The following CHLSN variants were observed in gnomAD, a reference collection of about 807,000 sequenced individuals.
CHLSN encodes cholesin, also known as protein cholesin.
the CHLSN span, among the ~76,000 whole-genome samples, chr7:993,555 G>A: frequency 3.3e-5 from 5 of 152,090 alleles, no homozygotes; most frequent in East Asian, 1.9e-4. Context: ...TGGGAGGATC[G>A]CTTGAGCCCA....
At chr7:1,092,607 C>A in the CHLSN span, 2 of 1,612,026 alleles carry the variant, frequency 1.2e-6, no homozygotes, top group Non-Finnish European at 1.7e-6. Flanking sequence ...GGGCCGCTCC[C>A]TGCAAGCAGT....
the CHLSN span, among the ~76,000 whole-genome samples, chr7:1,101,575 C>T: frequency 6.6e-6 from 1 of 152,262 alleles, no homozygotes; most frequent in Admixed American, 6.5e-5. Context: ...TCTGCACCTT[C>T]AGCCTCCTGT....
At chr7:1,052,371 C>T in the CHLSN span, among the ~76,000 whole-genome samples, 2 of 152,178 alleles carry the variant, frequency 1.3e-5, no homozygotes, top group African/African-American at 4.8e-5. The surrounding 1 kb of genome is among the most constrained non-coding windows in gnomAD (Gnocchi z 4.2). Flanking sequence ...TGTGCTGGCA[C>T]CGACGTGGGC....
At chr7:1,092,561 T>A in the CHLSN span, 4 of 1,610,192 alleles carry the variant, frequency 2.5e-6, no homozygotes, top group Non-Finnish European at 3.4e-6. Context: ...GAGAACGTCT[T>A]CATCAGCGTG....
the CHLSN span, among the ~76,000 whole-genome samples, chr7:983,749 C>G: frequency 6.6e-6 from 1 of 152,244 alleles, no homozygotes; most frequent in East Asian, 1.9e-4. Flanking sequence ...CTCAGCCCCC[C>G]TCGGCCCTCA....
chr7:1,095,870 A>G, the CHLSN span, among the ~76,000 whole-genome samples: 1 of 152,378 alleles, frequency 6.6e-6, no homozygotes, highest in African/African-American at 2.4e-5. Context: ...GCTGGGGGCC[A>G]TGGGCATCGA....
chr7:1,133,403 A>AAAAAAAC, the CHLSN span, among the ~76,000 whole-genome samples: 1 of 151,668 alleles, frequency 6.6e-6, no homozygotes, highest in African/African-American at 2.4e-5. Flanking sequence ...AAAAAAAAAA[A>AAAAAAAC]AAAAAAAAAA....
chr7:979,300 G>A, the CHLSN span, among the ~76,000 whole-genome samples: 29 of 152,188 alleles, frequency 1.9e-4, no homozygotes, highest in African/African-American at 4.8e-5. Flanking sequence ...CGGAGGCTCT[G>A]CACCTGCTCA....
At chr7:1,117,507 G>A in the CHLSN span, among the ~76,000 whole-genome samples, 4 of 133,176 alleles carry the variant, frequency 3.0e-5, no homozygotes, top group South Asian at 2.4e-4. Context: ...CGACATCCAC[G>A]CAGGATGATG....
the CHLSN span, among the ~76,000 whole-genome samples, chr7:1,110,080 C>T: frequency 1.3e-5 from 2 of 152,212 alleles, no homozygotes; most frequent in Admixed American, 6.5e-5. Context: ...GCAAATCTGC[C>T]CCAAGCGCAG....
chr7:1,116,320 T>C, the CHLSN span, among the ~76,000 whole-genome samples: 1 of 134,736 alleles, frequency 7.4e-6, no homozygotes, highest in Admixed American at 7.5e-5. Flanking sequence ...ACGGACAGGC[T>C]TCCATCACCA....
chr7:1,009,177 C>T, the CHLSN span, among the ~76,000 whole-genome samples: 2 of 152,298 alleles, frequency 1.3e-5, no homozygotes, highest in South Asian at 4.1e-4. Flanking sequence ...CACAGAGGTG[C>T]GGCTGGAGCC....
At chr7:1,017,032 A>G in the CHLSN span, among the ~76,000 whole-genome samples, 9 of 150,426 alleles carry the variant, frequency 6.0e-5, no homozygotes, top group African/African-American at 2.2e-4. Context: ...GCGCCCACCC[A>G]CGCACCCTGG....
the CHLSN span, among the ~76,000 whole-genome samples, chr7:994,205 T>A: frequency 6.6e-6 from 1 of 152,232 alleles, no homozygotes; most frequent in African/African-American, 2.4e-5. Context: ...TCACCCAGGC[T>A]GGAGTGCAAT....
the CHLSN span, chr7:985,454 G>C: frequency 3.8e-6 from 4 of 1,059,816 alleles, 1 homozygote; most frequent in East Asian, 1.0e-4. Flanking sequence ...GGAATCAGAT[G>C]CAAGGGCCTG....
chr7:1,015,905 A>G, the CHLSN span, among the ~76,000 whole-genome samples: 1 of 152,178 alleles, frequency 6.6e-6, no homozygotes, highest in East Asian at 1.9e-4. Flanking sequence ...CCCATGTGAC[A>G]CTGATGTCAC....
the CHLSN span, among the ~76,000 whole-genome samples, chr7:1,007,698 C>T: frequency 6.6e-6 from 1 of 152,166 alleles, no homozygotes; most frequent in Non-Finnish European, 1.5e-5. Flanking sequence ...AGTAAGAGTC[C>T]CCCCTCCTCC....
At chr7:1,046,236 C>G in the CHLSN span, among the ~76,000 whole-genome samples, 1 of 152,296 alleles carries the variant, frequency 6.6e-6, no homozygotes, top group Admixed American at 6.5e-5. Flanking sequence ...TAGGATGTCA[C>G]CTGGAATCCT....
chr7:1,116,863 C>T, the CHLSN span, among the ~76,000 whole-genome samples: 12 of 41,964 alleles, frequency 2.9e-4, no homozygotes, highest in African/African-American at 5.5e-4. Context: ...ATGACTGCAG[C>T]TCTACGGACC....
Sources: allele counts gnomAD v4.1 joint callset (sites outside exome capture counted in the v4.1 genomes callset), GRCh38; gene constraint gnomAD v4.1.1; non-coding constraint Gnocchi (gnomAD v3.1); transcripts MANE v1.5; gene names NCBI Gene and HGNC (gene_info 2026-07-23, HGNC 2026-07-21).